ZNF469: variants seen among roughly 807,000 people sequenced by gnomAD.
ZNF469 encodes the protein zinc finger protein 469.
Under a neutral mutation model 1.0 loss-of-function variants are expected in ZNF469, and 1 was observed. That is an observed-to-expected ratio of 1.00 (90% CI 0.35 to 4.73). The LOEUF (loss-of-function observed/expected upper bound fraction) is 4.73. Among genes scored for constraint, ZNF469 ranks in the 30% most tolerant of loss-of-function variants. ZNF469 has a pLI of 0.16. For missense variants in ZNF469, 6,100 were observed against 5,356.3 expected, an observed-to-expected ratio of 1.14 and a Z score of -4.33; for synonymous variants, 2,703 against 2,363.4, an observed-to-expected ratio of 1.14 and a Z score of -4.17.
the ZNF469 span, among the ~76,000 whole-genome samples, chr16:88,377,826 T>C: frequency 2.6e-5 from 4 of 152,184 alleles, no homozygotes; most frequent in African/African-American, 7.2e-5. Flanking sequence ...GCTCTGTAGA[T>C]GAAGATGTAT....
At chr16:88,208,198 C>A in the ZNF469 span, among the ~76,000 whole-genome samples, 2 of 151,862 alleles carry the variant, frequency 1.3e-5, no homozygotes, top group South Asian at 2.1e-4. Flanking sequence ...CCCCTTCAAG[C>A]CAATTCCTGT....
chr16:88,239,067 C>G, the ZNF469 span, among the ~76,000 whole-genome samples: 1 of 152,062 alleles, frequency 6.6e-6, no homozygotes. Flanking sequence ...TAATCTTGCA[C>G]ATGAACTGGG....
At chr16:88,276,815 C>T in the ZNF469 span, among the ~76,000 whole-genome samples, 12 of 152,186 alleles carry the variant, frequency 7.9e-5, no homozygotes, top group Admixed American at 3.9e-4. Context: ...ATTAGTGCTG[C>T]GCCACGCCGA....
At chr16:88,327,645 C>T in the ZNF469 span, among the ~76,000 whole-genome samples, 1 of 152,246 alleles carries the variant, frequency 6.6e-6, no homozygotes, top group South Asian at 2.1e-4. Context: ...TCCAGGGCCA[C>T]CTCCTTGTTC....
At chr16:88,362,869 T>C in the ZNF469 span, among the ~76,000 whole-genome samples, 5 of 152,220 alleles carry the variant, frequency 3.3e-5, no homozygotes, top group Admixed American at 2.6e-4. Flanking sequence ...TTTGATATTG[T>C]CCTGTAGGTC....
the ZNF469 span, among the ~76,000 whole-genome samples, chr16:88,375,251 G>A: frequency 6.0e-3 from 914 of 152,336 alleles, 10 homozygotes; most frequent in African/African-American, 0.02. Flanking sequence ...AGGCTGGGCC[G>A]CCCTGAGGGC....
chr16:88,119,171 A>G, the ZNF469 span, among the ~76,000 whole-genome samples: 6 of 152,218 alleles, frequency 3.9e-5, no homozygotes, highest in African/African-American at 1.4e-4. Flanking sequence ...GAAAGATAGT[A>G]AGTGAAGAAA....
chr16:88,436,215 C>T lies in ZNF469; in HGVS notation c.8745C>T (p.Ser2915=), dbSNP rs1446463828. 8.4e-6 allele frequency: 13 copies of T among 1,548,842 alleles called. No individual in the cohort carries two copies. The highest frequency in any genetic ancestry group is 2.4e-5 in the East Asian group (1 of 40,914). ...PARLPTDLSD[S]SSLCLCHEDP... Reference sequence around the variant, plus strand: ...GCCTGCCCACGGACCTCAGCGACTCCAGCTCCCTCTGCCTCTGCCATGAGG... The same window carrying T: ...GCCTGCCCACGGACCTCAGCGACTCTAGCTCCCTCTGCCTCTGCCATGAGG... Residue 2915 remains serine, a synonymous_variant, in exon 3 of 3, where the codon TCC becomes TCT. Coordinates refer to ENST00000565624, the MANE Select transcript of ZNF469 (RefSeq NM_001367624.2).
At chr16:88,157,544 C>G in the ZNF469 span, among the ~76,000 whole-genome samples, 3 of 152,146 alleles carry the variant, frequency 2.0e-5, no homozygotes, top group African/African-American at 7.2e-5. Context: ...CCCATCTCTC[C>G]TCCACCCTCC....
the ZNF469 span, among the ~76,000 whole-genome samples, chr16:88,106,085 G>C: frequency 1.3e-5 from 2 of 152,204 alleles, no homozygotes; most frequent in Non-Finnish European, 2.9e-5. Context: ...AGACCCCATT[G>C]CCCTGCCACA....
chr16:88,417,318 A>G (rs1905329682), intron 1 of ZNF469, among the ~76,000 whole-genome samples: 1 of 152,178 alleles, frequency 6.6e-6, no homozygotes, highest in Non-Finnish European at 1.5e-5. Context: ...AACGATCCTC[A>G]TTCTAGAAAT....
rs371470794 is a variant in ZNF469 at position 88,403,982 on chromosome 16, C to T, written c.-192+20728C>T. 1.6e-4 allele frequency among the ~76,000 whole-genome samples: 25 copies of T among 152,358 alleles called. No homozygotes were observed. In the South Asian group the frequency reaches 3.3e-3, roughly 20 times the overall value. ...CTGCAGGGCCCCCCAGAGGCCTCTCCGCCCTCACACTGACAGTGCAAACAC... is the reference window on the plus strand; with the variant it reads ...CTGCAGGGCCCCCCAGAGGCCTCTCTGCCCTCACACTGACAGTGCAAACAC... On this transcript the variant is annotated intron_variant, in intron 1 of 2. Transcript: ENST00000565624.
the ZNF469 span, among the ~76,000 whole-genome samples, chr16:88,259,779 C>G: frequency 6.6e-6 from 1 of 152,186 alleles, no homozygotes; most frequent in African/African-American, 2.4e-5. This position sits in a 1 kb window ranked among gnomAD's most constrained non-coding sequence, Gnocchi z 4.1. Context: ...GCTGATCCCT[C>G]CCTCCAGGGA....
At chr16:88,143,153 GC>G in the ZNF469 span, among the ~76,000 whole-genome samples, 17 of 152,284 alleles carry the variant, frequency 1.1e-4, no homozygotes, top group African/African-American at 4.1e-4. Flanking sequence ...GGGCTCAGCG[GC>G]CCTGCCCACG....
chr16:88,196,819 G>A, the ZNF469 span, among the ~76,000 whole-genome samples: 1 of 152,178 alleles, frequency 6.6e-6, no homozygotes, highest in African/African-American at 2.4e-5. Flanking sequence ...ACTGAGCACT[G>A]TTTTGTCCGA....
the ZNF469 span, among the ~76,000 whole-genome samples, chr16:88,285,127 C>T: frequency 7.6e-3 from 1,165 of 152,390 alleles, 15 homozygotes; most frequent in African/African-American, 0.027. Context: ...GCCCAAGGCA[C>T]ACGTGCCCAT....
At chr16:88,179,435 G>T in the ZNF469 span, among the ~76,000 whole-genome samples, 3 of 152,184 alleles carry the variant, frequency 2.0e-5, no homozygotes, top group Non-Finnish European at 4.4e-5. Flanking sequence ...GCAGCCGGAG[G>T]CCCCACCAGA....
chr16:88,268,915 C>A, the ZNF469 span, among the ~76,000 whole-genome samples: 37 of 152,182 alleles, frequency 2.4e-4, no homozygotes, highest in African/African-American at 8.7e-4. Flanking sequence ...GGGAGGGGAT[C>A]CTTGGACACA....
chr16:88,394,413 C>T (rs1414952395), intron 1 of ZNF469, among the ~76,000 whole-genome samples: 1 of 152,232 alleles, frequency 6.6e-6, no homozygotes, highest in African/African-American at 2.4e-5. Flanking sequence ...TTCATTTAGC[C>T]CGGCATAACC....
Sources: allele counts gnomAD v4.1 joint callset (sites outside exome capture counted in the v4.1 genomes callset), GRCh38; gene constraint gnomAD v4.1.1; non-coding constraint Gnocchi (gnomAD v3.1); transcripts MANE v1.5; gene names NCBI Gene and HGNC (gene_info 2026-07-23, HGNC 2026-07-21).